The following TOX variants were observed in gnomAD, a reference collection of about 807,000 sequenced individuals.
TOX encodes the protein thymocyte selection-associated high mobility group box protein TOX.
A neutral mutation model predicts 53.7 loss-of-function variants in TOX; 11 were observed. The ratio of observed to expected loss-of-function variants is 0.20; its 90% CI spans 0.13 to 0.34. The LOEUF (loss-of-function observed/expected upper bound fraction) is 0.34, where lower values mean the gene tolerates loss of function less well. TOX is among the 10% of genes least tolerant of loss of function. The pLI is 1.00. For synonymous variants in TOX, 225 were observed against 245.3 expected (o/e 0.92, Z 0.77); for missense variants, 570 against 664.6 (o/e 0.86, Z 1.56).
chr8:59,058,672 T>A (rs1369492314), intron 1 of TOX, among the ~76,000 whole-genome samples: 1 of 152,104 alleles, frequency 6.6e-6, no homozygotes, highest in Non-Finnish European at 1.5e-5. Flanking sequence ...GCATGCTGAC[T>A]ATGATGAGTT....
At chr8:59,047,318 G>A (rs1803708553) in intron 1 of TOX, among the ~76,000 whole-genome samples, 2 of 141,086 alleles carry the variant, frequency 1.4e-5, no homozygotes, top group South Asian at 2.3e-4. Flanking sequence ...CTGGGTTCAT[G>A]CCATTCTCCT....
In TOX at chr8:59,118,852, A is replaced by T. The variant is rs1432554545; in HGVS notation, c.102+34T>A. ...CGCTCCCCTCCCAGGATCAAGCAGC[A>T]AGAACACGGTGGAAACAAAAGCAGA... On this transcript the variant is annotated intron_variant, in intron 1 of 8. Transcript: ENST00000361421. The surrounding 1 kb of genome is among the most constrained non-coding windows in gnomAD (Gnocchi z 4.1). 6.6e-7 allele frequency: 1 copy of T among 1,523,764 alleles called. No homozygotes were observed. The highest frequency in any genetic ancestry group is 1.4e-5 in the African/African-American group (1 of 69,718). The allele number at this position is 1,523,764 out of a possible 1,614,324, so 94.4% of individuals were successfully genotyped here.
chr8:58,865,827 CTTTTTT>C (rs768072284), intron 3 of TOX, among the ~76,000 whole-genome samples: 2 of 91,302 alleles, frequency 2.2e-5, no homozygotes, highest in East Asian at 3.2e-4. Flanking sequence ...ATGACAGTGG[CTTTTTT>C]TTTTTTTTTT....
chr8:58,890,223 G>T (rs1023047428), intron 3 of TOX, among the ~76,000 whole-genome samples: 4 of 151,666 alleles, frequency 2.6e-5, no homozygotes, highest in African/African-American at 9.7e-5. Flanking sequence ...AATTCAAAGA[G>T]GAATCCAATG....
intron 1 of TOX, among the ~76,000 whole-genome samples, chr8:59,088,395 G>A (rs748374031): frequency 5.9e-5 from 9 of 152,256 alleles, no homozygotes; most frequent in African/African-American, 1.2e-4. Flanking sequence ...ATAATCAGAC[G>A]TAAGTTTTTG....
In TOX at chr8:59,080,014, C is replaced by T. The variant is rs1336977723; in HGVS notation, c.102+38872G>A. ...TTTTTTTTTTTTGAGATGGAGTCTC[C>T]CTCTGTCGCCCAGGCTGGAGTGCAG... On this transcript the variant is annotated intron_variant, in intron 1 of 8. Coordinates refer to ENST00000361421, the MANE Select transcript of TOX (RefSeq NM_014729.3). Among the ~76,000 whole-genome samples the T allele has an allele frequency of 5.3e-5, 8 of 151,074 alleles. No individual in the cohort carries two copies. In the South Asian group the frequency reaches 6.3e-4, roughly 12 times the overall value.
At chr8:58,875,566 A>G (rs1811269211) in intron 3 of TOX, among the ~76,000 whole-genome samples, 2 of 152,322 alleles carry the variant, frequency 1.3e-5, no homozygotes, top group Admixed American at 6.5e-5. Context: ...AAAGAGCATA[A>G]TAAGTTTAAA....
At chr8:58,894,631 A>G (rs1452127163) in intron 3 of TOX, among the ~76,000 whole-genome samples, 3 of 152,134 alleles carry the variant, frequency 2.0e-5, no homozygotes, top group African/African-American at 7.2e-5. Context: ...CAGTGGCTCA[A>G]GCCTGTAATC....
intron 3 of TOX, among the ~76,000 whole-genome samples, chr8:58,935,511 A>C (rs900187964): frequency 1.3e-5 from 2 of 152,202 alleles, no homozygotes; most frequent in African/African-American, 4.8e-5. Flanking sequence ...CAGCAAAATC[A>C]ATATTTAGAA....
intron 3 of TOX, among the ~76,000 whole-genome samples, chr8:58,867,505 A>G (rs1277990748): frequency 2.6e-5 from 4 of 152,220 alleles, no homozygotes; most frequent in Admixed American, 6.5e-5. Flanking sequence ...TTTCCCGGAC[A>G]AGCCTATTAA....
chr8:59,011,788 G>T (rs1304027263), intron 1 of TOX, among the ~76,000 whole-genome samples: 1 of 152,138 alleles, frequency 6.6e-6, no homozygotes, highest in African/African-American at 2.4e-5. Flanking sequence ...ATGCAGAAGT[G>T]CCTATCCTAT....
At chr8:58,858,482 C>A (rs1186057782) in intron 3 of TOX, among the ~76,000 whole-genome samples, 2 of 152,244 alleles carry the variant, frequency 1.3e-5, no homozygotes. Context: ...GAGTGAATAG[C>A]AGTTGGTGCA....
intron 2 of TOX, among the ~76,000 whole-genome samples, chr8:58,944,588 A>G (rs1404946566): frequency 6.6e-6 from 1 of 152,222 alleles, no homozygotes; most frequent in Non-Finnish European, 1.5e-5. Flanking sequence ...CCAATGGACA[A>G]GGTCTGCTTC....
intron 3 of TOX, among the ~76,000 whole-genome samples, chr8:58,903,691 A>G (rs908674342): frequency 2.0e-5 from 3 of 152,188 alleles, no homozygotes; most frequent in Non-Finnish European, 4.4e-5. Context: ...TAAATATAGA[A>G]TTTTTGAACA....
At chr8:59,044,423 T>A (rs1317946293) in intron 1 of TOX, among the ~76,000 whole-genome samples, 1 of 152,194 alleles carries the variant, frequency 6.6e-6, no homozygotes, top group Non-Finnish European at 1.5e-5. Context: ...ATTTCCCACC[T>A]GTCCCTTGCT....
chr8:59,094,736 C>T (rs1260846964), intron 1 of TOX, among the ~76,000 whole-genome samples: 3 of 152,124 alleles, frequency 2.0e-5, no homozygotes, highest in South Asian at 2.1e-4. Context: ...ACCCGCAGAC[C>T]GCACTGTTAA....
intron 1 of TOX, among the ~76,000 whole-genome samples, chr8:59,049,427 G>T (rs1365856385): frequency 6.6e-6 from 1 of 152,092 alleles, no homozygotes; most frequent in Non-Finnish European, 1.5e-5. Flanking sequence ...GGGCTGAAAA[G>T]ATCTAGAACT....
chr8:58,817,161 T>C (rs565949097), intron 6 of TOX, among the ~76,000 whole-genome samples: 1 of 152,258 alleles, frequency 6.6e-6, no homozygotes, highest in South Asian at 2.1e-4. Flanking sequence ...CAGTATAAAG[T>C]AAGGTGTACT....
chr8:58,889,600 A>AG (rs201712328), intron 3 of TOX, among the ~76,000 whole-genome samples: 27 of 152,018 alleles, frequency 1.8e-4, no homozygotes, highest in African/African-American at 6.5e-4. Flanking sequence ...TTAGAAAAAA[A>AG]CAGAAATTTT....
Sources: gnomAD v4.1 joint callset for allele counts (sites outside exome capture counted in the v4.1 genomes callset) on GRCh38, gnomAD v4.1.1 for gene constraint, Gnocchi (gnomAD v3.1) non-coding constraint, MANE v1.5 for transcripts, NCBI Gene and HGNC (gene_info 2026-07-23, HGNC 2026-07-21) for gene names.